The following GRIK4 variants were observed in gnomAD, a reference collection of about 807,000 sequenced individuals.
GRIK4 encodes glutamate receptor ionotropic, kainate 4.
GRIK4 carries 40 observed loss-of-function variants against 104.9 expected under a neutral mutation model. That is an observed-to-expected ratio of 0.38 (90% CI 0.30 to 0.50). The LOEUF is 0.50. GRIK4 is among the 20% of genes least tolerant of loss of function. GRIK4 has a pLI of 0.93. For synonymous variants in GRIK4, 485 were observed against 524.9 expected (o/e 0.92, Z 1.04); for missense variants, 1,047 against 1,308.1 (o/e 0.80, Z 3.08).
intron 18 of GRIK4, among the ~76,000 whole-genome samples, chr11:120,966,154 A>AG (rs375293286): frequency 1.1e-3 from 160 of 152,280 alleles, no homozygotes; most frequent in African/African-American, 3.7e-3. Flanking sequence ...ACAGAAAAAA[A>AG]CCTTCTTTTG....
At chr11:120,737,155 G>T (rs1951239874) in intron 3 of GRIK4, among the ~76,000 whole-genome samples, 1 of 152,144 alleles carries the variant, frequency 6.6e-6, no homozygotes, top group Non-Finnish European at 1.5e-5. Context: ...TCCTGAGGAT[G>T]GCCGGGAACC....
At chr11:120,624,293 C>T (rs908996813) in intron 1 of GRIK4, among the ~76,000 whole-genome samples, 4 of 152,048 alleles carry the variant, frequency 2.6e-5, no homozygotes, top group African/African-American at 9.7e-5. Context: ...ACTGTCTAGG[C>T]CTTGCTGGAC....
chr11:120,770,514 C>T (rs1429150230), intron 3 of GRIK4, among the ~76,000 whole-genome samples: 5 of 152,236 alleles, frequency 3.3e-5, no homozygotes. Flanking sequence ...ATTGGCCAGT[C>T]CTACTTGAGG....
intron 4 of GRIK4, among the ~76,000 whole-genome samples, chr11:120,806,353 A>T (rs994383712): frequency 1.3e-5 from 2 of 152,120 alleles, no homozygotes; most frequent in Non-Finnish European, 2.9e-5. Context: ...GGCTTGATGC[A>T]TCTGATAGCT....
chr11:120,750,956 A>G lies in GRIK4; in HGVS notation c.83-51737A>G, dbSNP rs140011828. Among the ~76,000 whole-genome samples the G allele has an allele frequency of 9.4e-3, 1,437 of 152,308 alleles. 10 individuals carry two copies. The highest frequency in any genetic ancestry group is 0.015 in the Non-Finnish European group (993 of 68,016). On this transcript the variant is annotated intron_variant, in intron 3 of 20. Transcript: ENST00000527524. ...TGTGTCAGGATTTGAACCCAGATCT[A>G]TAGGCTCCTGAGGAACACATGTGCA...
At chr11:120,600,134 G>T (rs11217922) in intron 1 of GRIK4, among the ~76,000 whole-genome samples, 2 of 152,100 alleles carry the variant, frequency 1.3e-5, no homozygotes, top group South Asian at 4.1e-4. Flanking sequence ...GTGTGTTTGG[G>T]GAAAGGGAAA....
chr11:120,707,621 T>G (rs543332552), intron 3 of GRIK4, among the ~76,000 whole-genome samples: 1 of 152,356 alleles, frequency 6.6e-6, no homozygotes, highest in Non-Finnish European at 1.5e-5. Context: ...AATCATTGAT[T>G]TAGCTTACAA....
chr11:120,577,095 G>T (rs552547804), intron 1 of GRIK4, among the ~76,000 whole-genome samples: 5 of 152,310 alleles, frequency 3.3e-5, no homozygotes, highest in Non-Finnish European at 7.3e-5. Context: ...GAATATAAGA[G>T]AAACTGTTTA....
chr11:120,728,226 TAC>T (rs899355792), intron 3 of GRIK4, among the ~76,000 whole-genome samples: 1 of 152,154 alleles, frequency 6.6e-6, no homozygotes, highest in Non-Finnish European at 1.5e-5. Context: ...CTGACTTTTC[TAC>T]AGTCATATGT....
intron 11 of GRIK4, among the ~76,000 whole-genome samples, chr11:120,895,481 C>T (rs530317250): frequency 6.6e-6 from 1 of 152,274 alleles, no homozygotes; most frequent in South Asian, 2.1e-4. Context: ...TTTCACCTGG[C>T]TTTGTGGAGT....
chr11:120,977,984 C>T (rs1944589165), intron 19 of GRIK4, among the ~76,000 whole-genome samples: 1 of 152,186 alleles, frequency 6.6e-6, no homozygotes, highest in Non-Finnish European at 1.5e-5. Context: ...GCGGAGCACT[C>T]AACCAGGGCT....
At position 120,582,857 on chromosome 11, in the gene GRIK4, T is replaced by C. The variant is rs142186915; in HGVS notation, c.-158-70828T>C. Among the ~76,000 whole-genome samples the C allele has an allele frequency of 1.5e-3, 230 of 152,332 alleles. 1 individual carries two copies. The highest frequency in any genetic ancestry group is 5.1e-3 in the Admixed American group (78 of 15,300). On this transcript the variant is annotated intron_variant, in intron 1 of 20. Transcript: ENST00000527524. ...TGTGTCTTTATGGTAGAAAAATGTA[T>C]ATTTCTTTGGGTATATACCCAATAA...
Position 120,874,203 on chromosome 11 carries a change from G to A in GRIK4, c.1044G>A (p.Met348Ile), listed in dbSNP as rs777561846. The change falls in exon 10 of 21, where the codon ATG becomes ATA. Residue 348 changes from methionine to isoleucine, a missense_variant. By Grantham distance (10) the Met-to-Ile change is conservative (BLOSUM62 1). Coordinates refer to ENST00000527524, the MANE Select transcript of GRIK4 (RefSeq NM_014619.5). ...AQIWQHGTSLMNYLRMVELEG... is the reference protein window; with the variant it reads ...AQIWQHGTSLINYLRMVELEG... Reference sequence around the variant, plus strand: ...TCTGGCAGCACGGCACCAGCCTCATGAACTACCTGCGCATGGTGAGGAGCG... The same window carrying A: ...TCTGGCAGCACGGCACCAGCCTCATAAACTACCTGCGCATGGTGAGGAGCG... 3.1e-6 allele frequency: 5 copies of A among 1,612,266 alleles called. No homozygotes were observed.
At chr11:120,730,742 A>G (rs1655217366) in intron 3 of GRIK4, among the ~76,000 whole-genome samples, 1 of 152,026 alleles carries the variant, frequency 6.6e-6, no homozygotes, top group Admixed American at 6.6e-5. Context: ...AATTTCTTTC[A>G]TCAGTGTTTT....
chr11:120,910,073 C>T (rs1942958047), intron 13 of GRIK4, among the ~76,000 whole-genome samples: 1 of 152,144 alleles, frequency 6.6e-6, no homozygotes, highest in African/African-American at 2.4e-5. Context: ...TCTGGTGCCT[C>T]TCTCTATCTT....
chr11:120,645,727 G>T (rs1161586463), intron 1 of GRIK4, among the ~76,000 whole-genome samples: 1 of 152,204 alleles, frequency 6.6e-6, no homozygotes, highest in Non-Finnish European at 1.5e-5. Context: ...TTCTTCTGTG[G>T]TTCCTGAGAG....
chr11:120,925,130 A>G (rs142976436), intron 13 of GRIK4, among the ~76,000 whole-genome samples: 56 of 152,282 alleles, frequency 3.7e-4, no homozygotes, highest in Middle Eastern at 3.4e-3. Context: ...GGAACAGAGA[A>G]GGAGCACAGG....
intron 8 of GRIK4, among the ~76,000 whole-genome samples, chr11:120,841,407 G>A (rs1386025035): frequency 4.6e-5 from 7 of 152,160 alleles, no homozygotes; most frequent in Admixed American, 2.0e-4. Context: ...TTAGATTCAT[G>A]TCTTTAGGGT....
intron 1 of GRIK4, among the ~76,000 whole-genome samples, chr11:120,537,256 C>T (rs1188510038): frequency 2.0e-5 from 3 of 152,146 alleles, no homozygotes; most frequent in East Asian, 1.9e-4. Flanking sequence ...ATGGTTGCAT[C>T]GTCCTCTCTT....
Sources: gnomAD v4.1 joint callset for allele counts (sites outside exome capture counted in the v4.1 genomes callset) on GRCh38, gnomAD v4.1.1 for gene constraint, MANE v1.5 for transcripts, NCBI Gene and HGNC (gene_info 2026-07-23, HGNC 2026-07-21) for gene names.